The following MTUS2 variants were observed in gnomAD, a reference collection of about 807,000 sequenced individuals.
MTUS2 encodes microtubule associated scaffold protein 2, also known as microtubule-associated tumor suppressor candidate 2.
In MTUS2, 40 loss-of-function variants were observed where a neutral mutation model predicts 114.1. The ratio of observed to expected loss-of-function variants is 0.35; its 90% CI spans 0.27 to 0.46. The LOEUF is 0.46. MTUS2 is among the 20% of genes least tolerant of loss of function. The pLI is 1.00. For synonymous variants in MTUS2, 688 were observed against 672.0 expected, an observed-to-expected ratio of 1.02 and a Z score of -0.37; for missense variants, 1,679 against 1,705.4, an observed-to-expected ratio of 0.98 and a Z score of 0.27.
intron 6 of MTUS2, among the ~76,000 whole-genome samples, chr13:29,284,311 A>C (rs1267568244): frequency 1.3e-5 from 2 of 152,152 alleles, no homozygotes; most frequent in Admixed American, 6.6e-5. Context: ...TGGAGGAAAA[A>C]ATGTAGTCGA....
intron 5 of MTUS2, among the ~76,000 whole-genome samples, chr13:29,114,142 T>G (rs1158709234): frequency 6.6e-6 from 1 of 151,996 alleles, no homozygotes; most frequent in Non-Finnish European, 1.5e-5. Flanking sequence ...TGCAGAAACA[T>G]GAGCTGATTA....
rs747934441 is a variant in MTUS2, at chr13:29,359,360, A to G, written c.3004A>G (p.Lys1002Glu). 3.1e-6 allele frequency: 5 copies of G among 1,612,806 alleles called. No homozygotes were observed. The highest frequency in any genetic ancestry group is 4.2e-6 in the Non-Finnish European group (5 of 1,179,562). Reference sequence around the variant, plus strand: ...TGAGCGGCAGCTGGTGCTGCGGCTGAAGGAGCGGTGTGAGCAGCAGACCAG... The same window carrying G: ...TGAGCGGCAGCTGGTGCTGCGGCTGGAGGAGCGGTGTGAGCAGCAGACCAG... ...EAERQLVLRL[K>E]ERCEQQTRQL... The change falls in exon 8 of 16, where the codon AAG becomes GAG. Residue 1002 changes from lysine to glutamate, a missense_variant. By Grantham distance (56) the Lys-to-Glu change is moderately conservative. Coordinates refer to ENST00000612955, the MANE Select transcript of MTUS2 (RefSeq NM_001033602.4).
intron 8 of MTUS2, among the ~76,000 whole-genome samples, chr13:29,439,665 T>C (rs1877682131): frequency 6.6e-6 from 1 of 152,144 alleles, no homozygotes; most frequent in Non-Finnish European, 1.5e-5. Context: ...TACAATAATA[T>C]ATGGCAATAG....
At chr13:29,030,242 A>AT (rs1403625823) in intron 3 of MTUS2, among the ~76,000 whole-genome samples, 1 of 152,148 alleles carries the variant, frequency 6.6e-6, no homozygotes, top group Non-Finnish European at 1.5e-5. Context: ...TTGTATGGAC[A>AT]TTGTGTGGCT....
At chr13:28,899,021 C>T (rs148470541) in intron 2 of MTUS2, among the ~76,000 whole-genome samples, 138 of 152,296 alleles carry the variant, frequency 9.1e-4, no homozygotes, top group Non-Finnish European at 1.5e-3. Flanking sequence ...CCACAAACCA[C>T]GCTGGCTTGG....
chr13:29,460,517 T>C (rs1238736833), intron 9 of MTUS2, among the ~76,000 whole-genome samples: 1 of 152,214 alleles, frequency 6.6e-6, no homozygotes. Flanking sequence ...CACTTTTTTC[T>C]TCCCATCAGA....
At chr13:28,917,907 G>C (rs1473973516) in intron 2 of MTUS2, among the ~76,000 whole-genome samples, 1 of 151,694 alleles carries the variant, frequency 6.6e-6, no homozygotes. Context: ...ATAGGTTTTG[G>C]TATGTTGTGT....
At chr13:29,455,907 G>A (rs1189798037) in intron 9 of MTUS2, among the ~76,000 whole-genome samples, 2 of 152,130 alleles carry the variant, frequency 1.3e-5, no homozygotes, top group African/African-American at 4.8e-5. Flanking sequence ...CTGGAGCCCG[G>A]AAGGTTGAGG....
At chr13:29,081,663 G>T (rs1408113343) in intron 4 of MTUS2, among the ~76,000 whole-genome samples, 2 of 151,276 alleles carry the variant, frequency 1.3e-5, no homozygotes, top group African/African-American at 4.8e-5. Context: ...GGAGTGTCTT[G>T]ATGAGACCTT....
intron 3 of MTUS2, among the ~76,000 whole-genome samples, chr13:29,032,626 C>A: frequency 6.6e-6 from 1 of 152,140 alleles, no homozygotes; most frequent in Non-Finnish European, 1.5e-5. Flanking sequence ...GCATATTTTA[C>A]AGTGTGATTA....
At chr13:29,302,069 A>G (rs151331748) in intron 6 of MTUS2, among the ~76,000 whole-genome samples, 1 of 152,352 alleles carries the variant, frequency 6.6e-6, no homozygotes, top group African/African-American at 2.4e-5. Flanking sequence ...TCGGGGATGG[A>G]TCCAAGATGG....
At chr13:29,012,050 A>G (rs373256456) in intron 2 of MTUS2, among the ~76,000 whole-genome samples, 1 of 152,090 alleles carries the variant, frequency 6.6e-6, no homozygotes, top group African/African-American at 2.4e-5. Context: ...AGAATGATGT[A>G]TTTCTTCCTT....
At chr13:29,018,795 A>G (rs1468555352) in intron 2 of MTUS2, among the ~76,000 whole-genome samples, 1 of 142,298 alleles carries the variant, frequency 7.0e-6, no homozygotes, top group African/African-American at 2.6e-5. Flanking sequence ...CTGCAAAAAA[A>G]AAAAAAGAAA....
At chr13:29,032,774 C>T (rs529354175) in intron 3 of MTUS2, among the ~76,000 whole-genome samples, 5 of 152,172 alleles carry the variant, frequency 3.3e-5, no homozygotes, top group Admixed American at 2.0e-4. Context: ...TTTTATAGCC[C>T]CCATTAAAGA....
In MTUS2 at chr13:29,463,523, T is replaced by G. The variant is rs563377531; in HGVS notation, c.3185-16627T>G. Among the ~76,000 whole-genome samples, 130 of 152,254 alleles carry G rather than the reference T, an allele frequency of 8.5e-4. 6 individuals carry two copies. The South Asian group carries it at 0.025, about 29-fold the overall frequency. Reference sequence around the variant, plus strand: ...CTTCAGTTTTCCCAGTGAAGTAGGCTCCAAGGGCACACGCCCTATTGGGGC... The same window carrying G: ...CTTCAGTTTTCCCAGTGAAGTAGGCGCCAAGGGCACACGCCCTATTGGGGC... On this transcript the variant is annotated intron_variant, in intron 9 of 15. Transcript: ENST00000612955.
intron 8 of MTUS2, among the ~76,000 whole-genome samples, chr13:29,363,439 G>A (rs369645551): frequency 1.5e-4 from 23 of 152,226 alleles, no homozygotes; most frequent in African/African-American, 5.3e-4. Flanking sequence ...AAATGAATAT[G>A]TCAAGCATTT....
chr13:29,420,405 G>A (rs182425868), intron 8 of MTUS2, among the ~76,000 whole-genome samples: 443 of 151,768 alleles, frequency 2.9e-3, no homozygotes, highest in African/African-American at 0.01. Context: ...AGCCTCCCAA[G>A]TAGCTGGGAT....
At chr13:29,013,783 C>T (rs7984343) in intron 2 of MTUS2, among the ~76,000 whole-genome samples, 7,507 of 152,272 alleles carry the variant, frequency 0.049, 330 homozygotes, top group African/African-American at 0.11. Context: ...CACACACACA[C>T]ATACGTGCAC....
chr13:29,337,825 G>A (rs1372037109), intron 7 of MTUS2, among the ~76,000 whole-genome samples: 4 of 146,040 alleles, frequency 2.7e-5, no homozygotes, highest in African/African-American at 7.9e-5. Flanking sequence ...GTCTCGCTCT[G>A]TTGCCTGGGC....
Sources: gnomAD v4.1 joint callset for allele counts (sites outside exome capture counted in the v4.1 genomes callset) on GRCh38, gnomAD v4.1.1 for gene constraint, MANE v1.5 for transcripts, NCBI Gene and HGNC (gene_info 2026-07-23, HGNC 2026-07-21) for gene names.